CDK5RAP1: variants seen among roughly 807,000 people sequenced by gnomAD.
The protein encoded by CDK5RAP1 is CDK5RAP1 mitochondrial tRNA methylthiotransferase.
Under a neutral mutation model 64.5 loss-of-function variants are expected in CDK5RAP1, and 62 were observed. The observed-to-expected ratio is 0.96, with a 90% CI of 0.78 to 1.19. The LOEUF (loss-of-function observed/expected upper bound fraction) is 1.19, where lower values mean the gene tolerates loss of function less well. Among genes scored for constraint, CDK5RAP1 ranks in the 50% most tolerant of loss-of-function variants. CDK5RAP1 has a pLI of 0.00. For synonymous variants in CDK5RAP1, 250 were observed against 261.9 expected (o/e 0.95, Z 0.44); for missense variants, 657 against 735.0 (o/e 0.89, Z 1.23).
At chr20:33,395,189 C>T (rs902287472) in intron 2 of CDK5RAP1, 73 bp from the exon 3 acceptor site, 23 of 833,870 alleles carry the variant, frequency 2.8e-5, no homozygotes, top group Non-Finnish European at 4.2e-5. Flanking sequence ...AGGTCTCCTT[C>T]CCAAATGCTC....
At chr20:33,387,080 A>G (rs559510675) in intron 6 of CDK5RAP1, among the ~76,000 whole-genome samples, 1 of 152,050 alleles carries the variant, frequency 6.6e-6, no homozygotes, top group African/African-American at 2.4e-5. Flanking sequence ...CCTGGGCAAT[A>G]TAGTGAGACC....
Position 33,395,059 on chromosome 20 carries a change from G to A in CDK5RAP1, c.362C>T (p.Ser121Phe), listed in dbSNP as rs1988770505. 2 of 1,613,460 alleles carry A rather than the reference G, an allele frequency of 1.2e-6. No homozygotes were observed. Among genetic ancestry groups the A allele is most frequent in the African/African-American group, 1.3e-5 (1 of 74,910 alleles). The stretch of plus-strand genomic sequence containing the variant: ...CAGGTAGCCACTCTTCTGTAAGATG[G>A]ACCAGGCTATCTCTGTGTCATTCAC... Reference protein sequence around the residue: ...MNVNDTEIAWSILQKSGYLRT... With the variant: ...MNVNDTEIAWFILQKSGYLRT... The change falls in exon 3 of 14, where the codon TCC (serine) becomes TTC (phenylalanine). Residue 121 changes from serine to phenylalanine, a missense_variant. Ser to Phe is a radical substitution (Grantham distance 155). Coordinates refer to ENST00000346416, the MANE Select transcript of CDK5RAP1 (RefSeq NM_016408.4).
Position 33,379,654 on chromosome 20 carries a change from T to C in CDK5RAP1, c.914A>G (p.Asn305Ser), listed in dbSNP as rs2146651065. ...GACCTCCGAATTGTCCCGAAAACTA[T>C]TAACATTCTGACCAAGAAGTGTCAC... ...KEVTLLGQNVNSFRDNSEVQF... is the reference protein window; with the variant it reads ...KEVTLLGQNVSSFRDNSEVQF... Residue 305 changes from asparagine (N) to serine (S), a missense_variant, in exon 8 of 14, where the codon AAT (asparagine) becomes AGT (serine). Transcript: ENST00000346416. 1 of 1,614,136 alleles carries C rather than the reference T, an allele frequency of 6.2e-7. No individual in the cohort carries two copies. The highest frequency in any genetic ancestry group is 1.1e-5 in the South Asian group (1 of 91,084).
In CDK5RAP1 at chr20:33,394,527, G is replaced by A. The variant is rs80157841; in HGVS notation, c.409-461C>T. On this transcript the variant is annotated intron_variant, in intron 3 of 13. Transcript: ENST00000346416. The stretch of plus-strand genomic sequence containing the variant: ...AAAGGAGTCTCGCTCACTTGCCCAG[G>A]CTGAAGAGCAATAGCATAACCATAG... 2.1e-3 allele frequency among the ~76,000 whole-genome samples: 315 copies of A among 149,784 alleles called. 2 individuals carry two copies. The highest frequency in any genetic ancestry group is 6.9e-3 in the African/African-American group (279 of 40,678).
At chr20:33,376,526 A>G (rs1986013473) in intron 8 of CDK5RAP1, among the ~76,000 whole-genome samples, 2 of 152,124 alleles carry the variant, frequency 1.3e-5, no homozygotes, top group East Asian at 3.9e-4. Flanking sequence ...TCTAAATATG[A>G]CTGCTCATTG....
At chr20:33,394,757 G>A (rs897210004) in intron 3 of CDK5RAP1, among the ~76,000 whole-genome samples, 4 of 152,056 alleles carry the variant, frequency 2.6e-5, no homozygotes, top group African/African-American at 7.2e-5. Flanking sequence ...CCCTGTACTC[G>A]TTAAACAGTA....
intron 11 of CDK5RAP1, among the ~76,000 whole-genome samples, chr20:33,369,922 G>T (rs1984702996): frequency 1.3e-5 from 2 of 152,200 alleles, no homozygotes; most frequent in Non-Finnish European, 2.9e-5. Flanking sequence ...GGAATGAGGA[G>T]TGAACCGTGC....
chr20:33,398,325 T>C (rs1056446371), intron 1 of CDK5RAP1, among the ~76,000 whole-genome samples: 8 of 151,850 alleles, frequency 5.3e-5, no homozygotes, highest in African/African-American at 1.9e-4. Flanking sequence ...AAACCTCATC[T>C]CTACTAAAAA....
In CDK5RAP1 at chr20:33,374,105, C is replaced by G. The variant is rs116753723; in HGVS notation, c.1205+10G>C. 1.4e-3 allele frequency: 2,261 copies of G among 1,602,786 alleles called. 26 individuals are homozygous for G. The African/African-American group carries it at 0.027, about 19-fold the overall frequency. ...AAGTGAGGGATGCCCCCTCTCCAAGCAAGCCTGACCCCCTCCGCATGGCCT... is the reference window on the plus strand; with the variant it reads ...AAGTGAGGGATGCCCCCTCTCCAAGGAAGCCTGACCCCCTCCGCATGGCCT... On this transcript the variant is annotated intron_variant, in intron 9 of 13. Coordinates refer to ENST00000346416, the MANE Select transcript of CDK5RAP1 (RefSeq NM_016408.4).
intron 13 of CDK5RAP1, 64 bp downstream of exon 13, chr20:33,360,287 C>T: frequency 6.6e-7 from 1 of 1,522,120 alleles, no homozygotes. Context: ...AACTTTATTA[C>T]CACAAATATC....
intron 5 of CDK5RAP1, among the ~76,000 whole-genome samples, chr20:33,389,348 C>G (rs1263220640): frequency 6.6e-6 from 1 of 151,524 alleles, no homozygotes; most frequent in Non-Finnish European, 1.5e-5. Flanking sequence ...CTCCGCGCGG[C>G]AGCCGCCCCG....
At chr20:33,366,187 T>C (rs937243262) in intron 12 of CDK5RAP1, among the ~76,000 whole-genome samples, 1 of 151,240 alleles carries the variant, frequency 6.6e-6, no homozygotes, top group African/African-American at 2.4e-5. Context: ...GGTGTGGTAG[T>C]GGGTGCCTGC....
chr20:33,394,134 T>C, intron 3 of CDK5RAP1, 68 bp from the exon 4 acceptor site: 3 of 1,032,420 alleles, frequency 2.9e-6, no homozygotes, highest in Non-Finnish European at 4.6e-6. Context: ...GTACAATTCC[T>C]GCCCTACAGC....
chr20:33,379,159 T>G (rs1285890968), intron 8 of CDK5RAP1, among the ~76,000 whole-genome samples: 3 of 152,122 alleles, frequency 2.0e-5, no homozygotes, highest in African/African-American at 7.2e-5. Context: ...CCAGCTAATT[T>G]TTTGTATTTG....
chr20:33,401,338 C>T, intron 1 of CDK5RAP1, 90 bp downstream of exon 1: 1 of 931,478 alleles, frequency 1.1e-6, no homozygotes, highest in Non-Finnish European at 1.3e-6. Context: ...CTCTTGAACA[C>T]CGTGCGCTTC....
At chr20:33,397,722 C>T (rs1177761883) in intron 1 of CDK5RAP1, among the ~76,000 whole-genome samples, 2 of 152,200 alleles carry the variant, frequency 1.3e-5, no homozygotes, top group African/African-American at 4.8e-5. Context: ...CTGGATGCAG[C>T]CGCTCATGCC....
intron 7 of CDK5RAP1, chr20:33,383,564 AC>A (rs1987033476): frequency 6.6e-6 from 1 of 151,894 alleles, no homozygotes; most frequent in Admixed American, 6.6e-5. Context: ...ACATGGAGAA[AC>A]CCCGTCTCTA....
chr20:33,385,420 C>T lies in CDK5RAP1; in HGVS notation c.876+230G>A, dbSNP rs144260324. ...TAGGAACCAAGCCAGAATTCACACTCCATCACCTGACTGTAATCTCATGCC... is the reference window on the plus strand; with the variant it reads ...TAGGAACCAAGCCAGAATTCACACTTCATCACCTGACTGTAATCTCATGCC... On this transcript the variant is annotated intron_variant, in intron 7 of 13. Transcript: ENST00000346416. 9.8e-3 allele frequency among the ~76,000 whole-genome samples: 1,488 copies of T among 152,330 alleles called. 16 individuals are homozygous for T. Among genetic ancestry groups the T allele is most frequent in the African/African-American group, 0.033 (1,371 of 41,560 alleles).
chr20:33,363,524 A>C (rs1983320363), intron 12 of CDK5RAP1, among the ~76,000 whole-genome samples: 1 of 152,180 alleles, frequency 6.6e-6, no homozygotes, highest in Admixed American at 6.5e-5. Context: ...AAATGATTCA[A>C]GGGGAAAAAA....
Sources: allele counts gnomAD v4.1 joint callset (sites outside exome capture counted in the v4.1 genomes callset), GRCh38; gene constraint gnomAD v4.1.1; transcripts MANE v1.5; gene names NCBI Gene and HGNC (gene_info 2026-07-23, HGNC 2026-07-21).